The following EPHA5 variants were observed in gnomAD, a reference collection of about 807,000 sequenced individuals.
EPHA5 encodes the protein ephrin type-A receptor 5.
Under a neutral mutation model 105.0 loss-of-function variants are expected in EPHA5, and 60 were observed. The observed-to-expected ratio is 0.57, with a 90% confidence interval of 0.46 to 0.71. The LOEUF (loss-of-function observed/expected upper bound fraction) is 0.71, where lower values mean the gene tolerates loss of function less well. EPHA5 is among the 30% of genes least tolerant of loss of function. EPHA5 has a pLI of 0.00. For synonymous variants in EPHA5, 513 were observed against 449.1 expected, an observed-to-expected ratio of 1.14 and a Z score of -1.80; for missense variants, 1,218 against 1,274.7, an observed-to-expected ratio of 0.96 and a Z score of 0.68.
At chr4:65,363,920 A>T (rs59099998) in intron 11 of EPHA5, among the ~76,000 whole-genome samples, 2,370 of 151,576 alleles carry the variant, frequency 0.016, 61 homozygotes, top group African/African-American at 0.054. Context: ...TCCATTAAAG[A>T]ATATCCTCAT....
At position 65,351,658 on chromosome 4, in the gene EPHA5, G is replaced by T. The variant is rs549023035; in HGVS notation, c.2236-60C>A. 7.2e-5 allele frequency: 106 copies of T among 1,481,072 alleles called. No homozygotes were observed. The South Asian group carries it at 9.7e-4, about 14-fold the overall frequency. The allele number at this position is 1,481,072 out of a possible 1,614,324, so 91.7% of individuals were successfully genotyped here. On this transcript the variant is annotated intron_variant, in intron 12 of 16. Transcript: ENST00000613740. ...CACCAATCACTGGGGGAAAATATGA[G>T]AGGTCTGTATTCAATCCCCCAAATT...
chr4:65,379,749 G>C (rs1486892335), intron 8 of EPHA5, among the ~76,000 whole-genome samples: 1 of 151,454 alleles, frequency 6.6e-6, no homozygotes, highest in African/African-American at 2.4e-5. Flanking sequence ...ATCCATAATA[G>C]AACTAAATAA....
At chr4:65,380,355 G>A (rs1719433486) in intron 8 of EPHA5, among the ~76,000 whole-genome samples, 1 of 151,756 alleles carries the variant, frequency 6.6e-6, no homozygotes, top group African/African-American at 2.4e-5. Flanking sequence ...CAGACCCAAA[G>A]AAGATTCAAA....
intron 3 of EPHA5, among the ~76,000 whole-genome samples, chr4:65,575,864 C>T (rs558499839): frequency 2.6e-5 from 4 of 151,230 alleles, no homozygotes; most frequent in Admixed American, 6.6e-5. Context: ...GTAATCCCAG[C>T]TACTTGGGAG....
chr4:65,514,881 C>A (rs1159431174), intron 3 of EPHA5, among the ~76,000 whole-genome samples: 1 of 152,108 alleles, frequency 6.6e-6, no homozygotes, highest in African/African-American at 2.4e-5. Flanking sequence ...AACACCTAGG[C>A]CCTTGACCTC....
At chr4:65,554,981 CAAAAAAAAAAA>C (rs71205383) in intron 3 of EPHA5, among the ~76,000 whole-genome samples, 16 of 92,572 alleles carry the variant, frequency 1.7e-4, no homozygotes, top group African/African-American at 3.7e-4. Context: ...TATACAACAG[CAAAAAAAAAAA>C]AAAAAAAAAA....
intron 4 of EPHA5, among the ~76,000 whole-genome samples, chr4:65,494,071 T>A (rs1027998611): frequency 6.6e-6 from 1 of 152,180 alleles, no homozygotes; most frequent in Non-Finnish European, 1.5e-5. Context: ...TTGATATGTA[T>A]CCTTACAAAA....
intron 2 of EPHA5, among the ~76,000 whole-genome samples, chr4:65,612,241 G>A (rs1207115391): frequency 3.3e-5 from 5 of 151,960 alleles, no homozygotes; most frequent in South Asian, 4.2e-4. Flanking sequence ...AACCATCACC[G>A]GAATAGTTAC....
chr4:65,602,983 A>G (rs1163242093), intron 2 of EPHA5, among the ~76,000 whole-genome samples: 1 of 152,156 alleles, frequency 6.6e-6, no homozygotes, highest in African/African-American at 2.4e-5. Context: ...GGAGACAGAT[A>G]TGAAAGAAAG....
At position 65,357,687 on chromosome 4, in the gene EPHA5, G is replaced by T. The variant is rs925055840; in HGVS notation, c.2174-4584C>A. Among the ~76,000 whole-genome samples the T allele has an allele frequency of 6.6e-5, 10 of 151,350 alleles. 1 individual carries two copies. The highest frequency in any genetic ancestry group is 4.2e-4 in the South Asian group (2 of 4,800). The stretch of plus-strand genomic sequence containing the variant: ...AGCTGTGGGAACAGGGAAGTGGAGG[G>T]TTGCTGTTCAATGTGTACAAAGTTA... On this transcript the variant is annotated intron_variant, in intron 11 of 16. Transcript: ENST00000613740.
chr4:65,625,091 A>T (rs1325856610), intron 2 of EPHA5, among the ~76,000 whole-genome samples: 1 of 152,184 alleles, frequency 6.6e-6, no homozygotes, highest in Admixed American at 6.5e-5. Flanking sequence ...GATGTTTAAG[A>T]TTTAGATAAT....
chr4:65,363,378 T>C (rs1183363311), intron 11 of EPHA5, among the ~76,000 whole-genome samples: 1 of 151,554 alleles, frequency 6.6e-6, no homozygotes, highest in African/African-American at 2.4e-5. Flanking sequence ...AACCACATAA[T>C]TGTTTATATT....
intron 6 of EPHA5, among the ~76,000 whole-genome samples, chr4:65,417,573 CTT>C (rs1284496084): frequency 2.0e-5 from 3 of 152,048 alleles, no homozygotes; most frequent in African/African-American, 7.2e-5. Context: ...AAATAGGCAA[CTT>C]ATTATTAATT....
chr4:65,584,241 T>C (rs1741909655), intron 3 of EPHA5, among the ~76,000 whole-genome samples: 1 of 151,802 alleles, frequency 6.6e-6, no homozygotes, highest in African/African-American at 2.4e-5. Flanking sequence ...AAATATAATG[T>C]GTTTCTCTTC....
intron 5 of EPHA5, among the ~76,000 whole-genome samples, chr4:65,483,703 T>A (rs1730605937): frequency 6.6e-6 from 1 of 152,336 alleles, no homozygotes; most frequent in Non-Finnish European, 1.5e-5. Context: ...CTTGGGTTCA[T>A]ATTACAGTTG....
chr4:65,398,120 G>A (rs758227740), intron 8 of EPHA5, among the ~76,000 whole-genome samples: 2 of 152,170 alleles, frequency 1.3e-5, no homozygotes, highest in Non-Finnish European at 2.9e-5. Context: ...GCATTCTTGT[G>A]CTCTCAGGGG....
intron 5 of EPHA5, among the ~76,000 whole-genome samples, chr4:65,444,900 T>A (rs1406684735): frequency 1.3e-5 from 2 of 152,056 alleles, no homozygotes; most frequent in Non-Finnish European, 1.5e-5. Context: ...CCTAAAAAAA[T>A]TGATATTTTT....
At chr4:65,374,062 T>G (rs1184709403) in intron 8 of EPHA5, among the ~76,000 whole-genome samples, 3 of 151,928 alleles carry the variant, frequency 2.0e-5, no homozygotes, top group Non-Finnish European at 4.4e-5. Context: ...ATTATTACAT[T>G]AAAACCATCA....
intron 3 of EPHA5, among the ~76,000 whole-genome samples, chr4:65,533,022 T>C (rs1735966818): frequency 6.6e-6 from 1 of 152,148 alleles, no homozygotes; most frequent in South Asian, 2.1e-4. Context: ...CTCTTCCTTG[T>C]CTGTGGCACA....
Sources: allele counts gnomAD v4.1 joint callset (sites outside exome capture counted in the v4.1 genomes callset), GRCh38; gene constraint gnomAD v4.1.1; transcripts MANE v1.5; gene names NCBI Gene and HGNC (gene_info 2026-07-23, HGNC 2026-07-21).